The following SLC24A2 variants were observed in gnomAD, a reference collection of about 807,000 sequenced individuals.
The protein encoded by SLC24A2 is solute carrier family 24 member 2.
In SLC24A2, 36 loss-of-function variants were observed where a neutral mutation model predicts 62.0. The ratio of observed to expected loss-of-function variants is 0.58; its 90% CI spans 0.44 to 0.77. The LOEUF (loss-of-function observed/expected upper bound fraction) is 0.77, where lower values mean the gene tolerates loss of function less well. SLC24A2 is among the 30% of genes least tolerant of loss of function. The pLI, the probability that SLC24A2 is intolerant of heterozygous loss-of-function variation, is 0.00. For missense variants in SLC24A2, 846 were observed against 817.9 expected, an observed-to-expected ratio of 1.03 and a Z score of -0.42; for synonymous variants, 358 against 294.0, an observed-to-expected ratio of 1.22 and a Z score of -2.23.
At chr9:19,924,775 T>G in the SLC24A2 span, among the ~76,000 whole-genome samples, 1 of 152,224 alleles carries the variant, frequency 6.6e-6, no homozygotes, top group Non-Finnish European at 1.5e-5. Flanking sequence ...AAATGACTTC[T>G]TCACCAAAGT....
At chr9:20,108,881 T>C in the SLC24A2 span, among the ~76,000 whole-genome samples, 1 of 150,500 alleles carries the variant, frequency 6.6e-6, no homozygotes, top group Non-Finnish European at 1.5e-5. Flanking sequence ...AAAACATAAA[T>C]GAAAATAATT....
At chr9:20,211,681 A>C in the SLC24A2 span, among the ~76,000 whole-genome samples, 1 of 152,222 alleles carries the variant, frequency 6.6e-6, no homozygotes, top group East Asian at 1.9e-4. Context: ...AAGGTGTAAA[A>C]TAATAATTTT....
chr9:19,764,534 T>G (rs1388672721), intron 2 of SLC24A2, among the ~76,000 whole-genome samples: 2 of 152,186 alleles, frequency 1.3e-5, no homozygotes, highest in Non-Finnish European at 2.9e-5. Context: ...AGAACTTATT[T>G]ATTTCTGTCT....
the SLC24A2 span, among the ~76,000 whole-genome samples, chr9:19,972,538 T>G: frequency 1.3e-5 from 2 of 152,188 alleles, no homozygotes; most frequent in African/African-American, 4.8e-5. Flanking sequence ...GTGTGATTCC[T>G]GGACGTGTGG....
chr9:20,043,867 C>A, the SLC24A2 span, among the ~76,000 whole-genome samples: 1 of 152,042 alleles, frequency 6.6e-6, no homozygotes, highest in African/African-American at 2.4e-5. Context: ...GAGGACTGAC[C>A]GATTTTGAAA....
intron 2 of SLC24A2, among the ~76,000 whole-genome samples, chr9:19,766,603 C>T (rs1822523870): frequency 6.6e-6 from 1 of 152,228 alleles, no homozygotes; most frequent in African/African-American, 2.4e-5. Context: ...AATCCAGAAC[C>T]TGTTTGCCTG....
chr9:19,982,790 G>A, the SLC24A2 span, among the ~76,000 whole-genome samples: 2 of 152,106 alleles, frequency 1.3e-5, no homozygotes, highest in Non-Finnish European at 2.9e-5. Flanking sequence ...AATACAGACA[G>A]AAGAAATCTG....
At chr9:19,945,955 T>C in the SLC24A2 span, among the ~76,000 whole-genome samples, 1 of 152,218 alleles carries the variant, frequency 6.6e-6, no homozygotes, top group Non-Finnish European at 1.5e-5. Flanking sequence ...TTGTCTGTGG[T>C]CTGGGAATCA....
At chr9:20,012,418 C>A in the SLC24A2 span, among the ~76,000 whole-genome samples, 1 of 152,152 alleles carries the variant, frequency 6.6e-6, no homozygotes. Flanking sequence ...CAGTTACCTC[C>A]CACTGGGTCC....
At chr9:20,266,997 A>G in the SLC24A2 span, among the ~76,000 whole-genome samples, 2 of 151,246 alleles carry the variant, frequency 1.3e-5, no homozygotes, top group East Asian at 3.9e-4. Context: ...CAGGAACATC[A>G]CTTGAGCCCA....
chr9:19,710,533 G>C (rs541125173), intron 2 of SLC24A2, among the ~76,000 whole-genome samples: 23 of 152,284 alleles, frequency 1.5e-4, no homozygotes, highest in African/African-American at 4.8e-4. Flanking sequence ...CACATTTACA[G>C]GTTCAAATAT....
At chr9:19,559,169 T>A (rs1486469092) in intron 7 of SLC24A2, among the ~76,000 whole-genome samples, 2 of 152,126 alleles carry the variant, frequency 1.3e-5, no homozygotes, top group African/African-American at 4.8e-5. Context: ...TTTAGAAAAA[T>A]AATTTCTTCA....
the SLC24A2 span, among the ~76,000 whole-genome samples, chr9:19,795,839 T>C: frequency 1.3e-5 from 2 of 152,100 alleles, no homozygotes; most frequent in Non-Finnish European, 2.9e-5. Context: ...TATGCGGCAC[T>C]ATTCACAATA....
intron 2 of SLC24A2, among the ~76,000 whole-genome samples, chr9:19,635,497 T>C (rs555283088): frequency 2.0e-5 from 3 of 152,304 alleles, no homozygotes; most frequent in African/African-American, 7.2e-5. Context: ...TACTAAATTA[T>C]AGGAGCATTG....
chr9:19,515,756 T>G lies in SLC24A2; in HGVS notation c.*397A>C, dbSNP rs557923865. 2 of 248,876 alleles carry G rather than the reference T, an allele frequency of 8.0e-6. No homozygotes were observed. The highest frequency in any genetic ancestry group is 1.6e-5 in the Non-Finnish European group (2 of 124,350). 15.4% of individuals were successfully genotyped at this position (248,876 alleles called of 1,614,324 possible). A position where few individuals can be genotyped will look rare whatever the true frequency, so the allele number is the denominator to read the frequency against. On this transcript the variant is annotated 3_prime_UTR_variant, in exon 11 of 11. Transcript: ENST00000341998. ...ACAGGTATGTACTAATCTATAGGTATGCAAGGAGAGGTATAGTACAGGAAC... is the reference window on the plus strand; with the variant it reads ...ACAGGTATGTACTAATCTATAGGTAGGCAAGGAGAGGTATAGTACAGGAAC...
intron 6 of SLC24A2, among the ~76,000 whole-genome samples, chr9:19,573,685 G>A (rs963948362): frequency 2.6e-5 from 4 of 152,116 alleles, no homozygotes; most frequent in Admixed American, 2.0e-4. Context: ...AGCGGGAAAG[G>A]ATTTTTACCG....
intron 6 of SLC24A2, among the ~76,000 whole-genome samples, chr9:19,575,646 A>G (rs961862450): frequency 1.1e-4 from 17 of 152,224 alleles, no homozygotes; most frequent in Admixed American, 2.0e-4. Context: ...GAGAGCCCCA[A>G]TAACATTAGA....
chr9:20,048,299 T>G, the SLC24A2 span, among the ~76,000 whole-genome samples: 7 of 152,338 alleles, frequency 4.6e-5, no homozygotes, highest in South Asian at 6.2e-4. Flanking sequence ...TTATCTCTTT[T>G]CAATATACAT....
the SLC24A2 span, among the ~76,000 whole-genome samples, chr9:20,245,695 G>T: frequency 6.6e-6 from 1 of 152,302 alleles, no homozygotes; most frequent in Non-Finnish European, 1.5e-5. Context: ...TGAACAAAAT[G>T]CAGGGAGCGA....
Sources: allele counts gnomAD v4.1 joint callset (sites outside exome capture counted in the v4.1 genomes callset), GRCh38; gene constraint gnomAD v4.1.1; transcripts MANE v1.5; gene names NCBI Gene and HGNC (gene_info 2026-07-23, HGNC 2026-07-21).